Variants in VSTM1 observed in about 807,000 individuals in gnomAD.
The protein encoded by VSTM1 is V-set and transmembrane domain-containing protein 1.
In VSTM1, 27 loss-of-function variants were observed where a neutral mutation model predicts 33.1. The observed-to-expected ratio is 0.82, with a 90% confidence interval of 0.60 to 1.12. VSTM1 has a LOEUF of 1.12. Ranked by LOEUF, VSTM1 falls within the 50% of genes most tolerant of loss-of-function variation. The pLI is 0.00. For missense variants in VSTM1, 304 were observed against 288.9 expected (o/e 1.05, Z -0.38); for synonymous variants, 115 against 110.3 (o/e 1.04, Z -0.27).
intron 1 of VSTM1, among the ~76,000 whole-genome samples, chr19:54,058,972 T>C (rs527534880): frequency 2.6e-4 from 38 of 148,984 alleles, no homozygotes; most frequent in Non-Finnish European, 5.9e-5. Context: ...TTGGCAGATA[T>C]CTCCCCAGAC....
chr19:54,041,526 C>G (rs1186385505), intron 8 of VSTM1, among the ~76,000 whole-genome samples: 1 of 152,072 alleles, frequency 6.6e-6, no homozygotes, highest in South Asian at 2.1e-4. Context: ...TGGTCTCGAT[C>G]TCCTGACCTC....
At chr19:54,041,209 G>A (rs1227581787) in intron 8 of VSTM1, 129 bp from the exon 9 acceptor site, 35 of 926,898 alleles carry the variant, frequency 3.8e-5, no homozygotes, top group Non-Finnish European at 4.6e-5. Context: ...GGTCACACCA[G>A]ATGCATTTCT....
intron 4 of VSTM1, 106 bp from the exon 5 acceptor site, chr19:54,042,475 G>T: frequency 1.4e-6 from 2 of 1,457,746 alleles, no homozygotes; most frequent in Non-Finnish European, 9.1e-7. Flanking sequence ...TGGCTTCCAA[G>T]CCTGGATCTC....
intron 1 of VSTM1, among the ~76,000 whole-genome samples, chr19:54,059,263 G>A (rs2071269785): frequency 1.3e-5 from 2 of 151,918 alleles, no homozygotes; most frequent in South Asian, 2.1e-4. Context: ...GTCTCACCAT[G>A]TTGGCCAGGC....
chr19:54,040,998 G>T lies in VSTM1; in HGVS notation c.674C>A (p.Pro225His), dbSNP rs922235797. Residue 225 changes from proline to histidine, a missense_variant, in exon 9 of 9, where the codon CCC (proline) becomes CAC (histidine). Pro to His is a moderately conservative substitution (Grantham distance 77). Coordinates refer to ENST00000338372, the MANE Select transcript of VSTM1 (RefSeq NM_198481.4). ...TGCCGCATATTCATGAGATCCTGGG[G>T]GCTCCTGGGTGGTGTCTGAAGCTGC... is the stretch of plus-strand genomic sequence containing the variant. The part of the protein sequence containing the change: ...SEAASDTTQE[P>H]PGSHEYAALK... The T allele has an allele frequency of 6.2e-7, 1 of 1,610,596 alleles. No individual in the cohort carries two copies. The highest frequency in any genetic ancestry group is 1.1e-5 in the South Asian group (1 of 90,836).
intron 1 of VSTM1, 128 bp downstream of exon 1, chr19:54,063,616 C>T: frequency 8.3e-7 from 1 of 1,198,272 alleles, no homozygotes; most frequent in East Asian, 2.5e-5. Flanking sequence ...AGCCCAGACC[C>T]ACCCACCGCA....
At chr19:54,041,276 G>T (rs1475756163) in intron 8 of VSTM1, among the ~76,000 whole-genome samples, 196 bp from the exon 9 acceptor site, 2 of 151,848 alleles carry the variant, frequency 1.3e-5, no homozygotes, top group East Asian at 3.9e-4. Flanking sequence ...ATCTGCGTAA[G>T]CCTTTTTTCA....
chr19:54,051,441 G>T lies in VSTM1; in HGVS notation c.363C>A (p.His121Gln), dbSNP rs373982331. The T allele has an allele frequency of 2.5e-6, 4 of 1,593,596 alleles. No individual in the cohort carries two copies. Among genetic ancestry groups the T allele is most frequent in the Non-Finnish European group, 2.6e-6 (3 of 1,174,194 alleles). The change falls in exon 4 of 9, where the codon CAC (histidine) becomes CAA (glutamine). Residue 121 changes from histidine to glutamine, a missense_variant. By Grantham distance (24) the His-to-Gln change is conservative (BLOSUM62 0). Transcript: ENST00000338372. Reference sequence around the variant, plus strand: ...TCATTGAGGGAGCTTCAAGTTCATCGTGTTTATCTAGAAAATAGGAGGGAA... The same window carrying T: ...TCATTGAGGGAGCTTCAAGTTCATCTTGTTTATCTAGAAAATAGGAGGGAA... ...EHLQLVVTDK[H>Q]DELEAPSMKT...
rs770369108 is a variant in VSTM1 at position 54,041,899 on chromosome 19, C to G, written c.553+17G>C. 24 of 1,614,020 alleles carry G rather than the reference C, an allele frequency of 1.5e-5. No individual in the cohort carries two copies. The South Asian group carries it at 2.6e-4, about 18-fold the overall frequency. On this transcript the variant is annotated intron_variant, in intron 7 of 8. Transcript: ENST00000338372. ...CTTTCTATCCGGTGATTCCCTTAAA[C>G]TTCCCCTGTCCCTTACCGGCAGCCT...
chr19:54,054,535 T>C (rs1389141295), intron 3 of VSTM1, among the ~76,000 whole-genome samples: 1 of 142,448 alleles, frequency 7.0e-6, no homozygotes, highest in Non-Finnish European at 1.6e-5. Flanking sequence ...GACTGTAAAG[T>C]CTCTCCAGGG....
chr19:54,049,259 T>C (rs191898911), intron 4 of VSTM1, among the ~76,000 whole-genome samples: 22 of 152,276 alleles, frequency 1.4e-4, no homozygotes, highest in African/African-American at 5.1e-4. Flanking sequence ...GATCACATAG[T>C]GTATGAATCC....
At chr19:54,041,596 C>G (rs778444676) in intron 8 of VSTM1, among the ~76,000 whole-genome samples, 183 bp downstream of exon 8, 1 of 152,146 alleles carries the variant, frequency 6.6e-6, no homozygotes, top group Non-Finnish European at 1.5e-5. Context: ...CCACCGCGCC[C>G]GGCCCATGCA....
At chr19:54,046,966 C>A (rs1215327873) in intron 4 of VSTM1, among the ~76,000 whole-genome samples, 2 of 152,076 alleles carry the variant, frequency 1.3e-5, no homozygotes, top group South Asian at 2.1e-4. Flanking sequence ...GAGGTCGAGG[C>A]AGGCAGAGCA....
Position 54,058,569 on chromosome 19 carries a change from A to C in VSTM1, c.92T>G (p.Leu31Arg). The part of the protein sequence containing the change: ...KKNEKPPKPS[L>R]HAWPSSVVEA... The stretch of plus-strand genomic sequence containing the variant: ...AACCACCGAGCTGGGCCAGGCGTGG[A>C]GGGAGGGCTTGGGCGGTTTCTCTGG... The change falls in exon 3 of 9, where the codon CTC becomes CGC. Residue 31 changes from leucine (L) to arginine (R), a missense_variant. By Grantham distance (102) the Leu-to-Arg change is moderately radical. Coordinates refer to ENST00000338372, the MANE Select transcript of VSTM1 (RefSeq NM_198481.4). 1.2e-6 allele frequency: 2 copies of C among 1,613,796 alleles called. No homozygotes were observed. The highest frequency in any genetic ancestry group is 1.7e-6 in the Non-Finnish European group (2 of 1,179,848).
intron 4 of VSTM1, chr19:54,048,408 G>A (rs755557805): frequency 5.8e-5 from 20 of 344,980 alleles, no homozygotes; most frequent in Admixed American, 1.7e-4. Context: ...GAGCCACTGC[G>A]CCCGGCAAAG....
At chr19:54,042,745 C>CGTGT (rs58125690) in intron 4 of VSTM1, among the ~76,000 whole-genome samples, 5 of 106,734 alleles carry the variant, frequency 4.7e-5, no homozygotes, top group South Asian at 2.7e-4. Flanking sequence ...TATATATATA[C>CGTGT]GTGTGTGTGT....
intron 4 of VSTM1, among the ~76,000 whole-genome samples, chr19:54,045,093 G>T (rs1386594544): frequency 6.6e-6 from 1 of 152,140 alleles, no homozygotes; most frequent in African/African-American, 2.4e-5. Context: ...TGCTTCACAC[G>T]CCTGGTCCTC....
At chr19:54,063,371 TAAGAG>T (rs1279429888) in intron 1 of VSTM1, among the ~76,000 whole-genome samples, 5 of 151,686 alleles carry the variant, frequency 3.3e-5, no homozygotes, top group South Asian at 2.1e-4. Context: ...AATAAATAAA[TAAGAG>T]AGAGAGAGAA....
At chr19:54,052,355 G>A (rs55917282) in intron 3 of VSTM1, among the ~76,000 whole-genome samples, 70,410 of 136,252 alleles carry the variant, frequency 0.52, 21,610 homozygotes, top group East Asian at 0.58. Context: ...CCGAGATCGC[G>A]CCACTGCACT....
Sources: gnomAD v4.1 joint callset for allele counts (sites outside exome capture counted in the v4.1 genomes callset) on GRCh38, gnomAD v4.1.1 for gene constraint, MANE v1.5 for transcripts, NCBI Gene and HGNC (gene_info 2026-07-23, HGNC 2026-07-21) for gene names.